The following FBXL17 variants were observed in gnomAD, a reference collection of about 807,000 sequenced individuals.
FBXL17 encodes the protein F-box and leucine rich repeat protein 17.
FBXL17 carries 22 observed loss-of-function variants against 66.2 expected under a neutral mutation model. The observed-to-expected ratio is 0.33, with a 90% CI of 0.24 to 0.47. FBXL17 has a LOEUF of 0.47. FBXL17 is among the 20% of genes least tolerant of loss of function. The probability of loss-of-function intolerance (pLI) is 1.00; values close to 1 mark genes in which losing one functional copy is unlikely to be tolerated. For synonymous variants in FBXL17, 474 were observed against 400.5 expected (o/e 1.18, Z -2.19); for missense variants, 878 against 948.2 (o/e 0.93, Z 0.97).
At chr5:108,364,677 G>C in intron 3 of FBXL17, 61 bp downstream of exon 3, 4 of 1,324,276 alleles carry the variant, frequency 3.0e-6, no homozygotes, top group Non-Finnish European at 4.2e-6. Flanking sequence ...TTAAAATGTT[G>C]TTGCTAGAAA....
At chr5:108,122,662 A>T (rs887031917) in intron 6 of FBXL17, among the ~76,000 whole-genome samples, 21 of 152,234 alleles carry the variant, frequency 1.4e-4, no homozygotes, top group African/African-American at 4.6e-4. Context: ...TTCACACAAA[A>T]GCAAGACATT....
intron 7 of FBXL17, among the ~76,000 whole-genome samples, chr5:107,888,012 A>G (rs796111620): frequency 1.5e-4 from 23 of 152,318 alleles, no homozygotes; most frequent in African/African-American, 5.3e-4. Context: ...ATAATCCAAT[A>G]CTTTTAAATC....
intron 6 of FBXL17, among the ~76,000 whole-genome samples, chr5:108,027,413 A>C (rs1660171551): frequency 6.6e-6 from 1 of 152,178 alleles, no homozygotes; most frequent in Non-Finnish European, 1.5e-5. Flanking sequence ...TCCATCCATT[A>C]CCATAACTAA....
intron 8 of FBXL17, among the ~76,000 whole-genome samples, chr5:107,873,001 A>G (rs1044195204): frequency 6.6e-5 from 10 of 152,330 alleles, no homozygotes; most frequent in Admixed American, 2.0e-4. Flanking sequence ...TGGCCACAAC[A>G]TTTGGTGACA....
intron 4 of FBXL17, among the ~76,000 whole-genome samples, chr5:108,338,579 C>T (rs1212903165): frequency 6.6e-6 from 1 of 151,980 alleles, no homozygotes; most frequent in Non-Finnish European, 1.5e-5. Flanking sequence ...TGAAATATGG[C>T]AGCCACTAAA....
chr5:107,916,338 A>G (rs991637662), intron 7 of FBXL17, among the ~76,000 whole-genome samples: 2 of 152,200 alleles, frequency 1.3e-5, no homozygotes, highest in South Asian at 4.1e-4. Context: ...GACTAAAATC[A>G]CTGTAAGAAC....
chr5:108,322,722 A>G (rs932232871), intron 4 of FBXL17, among the ~76,000 whole-genome samples: 1 of 151,932 alleles, frequency 6.6e-6, no homozygotes, highest in African/African-American at 2.4e-5. Context: ...CATCTATTAA[A>G]TTTCCATCAA....
At chr5:108,117,751 C>G (rs1385129410) in intron 6 of FBXL17, among the ~76,000 whole-genome samples, 1 of 152,146 alleles carries the variant, frequency 6.6e-6, no homozygotes, top group Non-Finnish European at 1.5e-5. Context: ...TACACCCCCT[C>G]TCGGAAATCC....
chr5:108,047,548 G>A lies in FBXL17; in HGVS notation c.1746-26547C>T, dbSNP rs139032753. 1.8e-3 allele frequency among the ~76,000 whole-genome samples: 274 copies of A among 152,312 alleles called. 2 individuals are homozygous for A. Among genetic ancestry groups the A allele is most frequent in the African/African-American group, 5.9e-3 (245 of 41,580 alleles). Reference sequence around the variant, plus strand: ...AACTGCTTAACACGCTAAGCTCCCTGGGTGGGGGAAGGATGGCATCCATCT... The same window carrying A: ...AACTGCTTAACACGCTAAGCTCCCTAGGTGGGGGAAGGATGGCATCCATCT... On this transcript the variant is annotated intron_variant, in intron 6 of 8. Coordinates refer to ENST00000542267, the MANE Select transcript of FBXL17 (RefSeq NM_001163315.3).
chr5:108,044,488 A>G (rs1337409196), intron 6 of FBXL17, among the ~76,000 whole-genome samples: 1 of 152,092 alleles, frequency 6.6e-6, no homozygotes, highest in Admixed American at 6.6e-5. Flanking sequence ...GAATCCCGGG[A>G]ATAAATTCCA....
At chr5:108,055,630 A>AAAAAG (rs1554060745) in intron 6 of FBXL17, among the ~76,000 whole-genome samples, 6 of 149,110 alleles carry the variant, frequency 4.0e-5, no homozygotes, top group African/African-American at 1.5e-4. Context: ...AAAAAAAAAA[A>AAAAAG]AGAGAGAAAA....
chr5:108,152,750 A>G (rs1751820309), intron 6 of FBXL17, among the ~76,000 whole-genome samples: 2 of 152,152 alleles, frequency 1.3e-5, no homozygotes, highest in Admixed American at 1.3e-4. Context: ...TTAGAAAAGG[A>G]CCCCTGGAAG....
intron 7 of FBXL17, among the ~76,000 whole-genome samples, chr5:107,922,578 G>C (rs1003887479): frequency 6.6e-6 from 1 of 152,162 alleles, no homozygotes; most frequent in Non-Finnish European, 1.5e-5. Context: ...TCTTAAGATT[G>C]ACGCTGTCTT....
At chr5:108,286,479 C>A (rs371533742) in intron 4 of FBXL17, among the ~76,000 whole-genome samples, 11 of 152,090 alleles carry the variant, frequency 7.2e-5, no homozygotes, top group South Asian at 4.1e-4. Context: ...AAATCAGTAT[C>A]ATTCCTATAT....
At chr5:108,126,530 T>C (rs1750702273) in intron 6 of FBXL17, among the ~76,000 whole-genome samples, 1 of 151,836 alleles carries the variant, frequency 6.6e-6, no homozygotes, top group African/African-American at 2.4e-5. Flanking sequence ...ATTGACAGTT[T>C]ATATTTTTAC....
At chr5:108,117,047 G>T (rs897736099) in intron 6 of FBXL17, among the ~76,000 whole-genome samples, 2 of 152,086 alleles carry the variant, frequency 1.3e-5, no homozygotes, top group African/African-American at 4.8e-5. Flanking sequence ...TCGACTTAAG[G>T]CTTGTAGTTT....
At chr5:108,216,887 G>A (rs1235930419) in intron 5 of FBXL17, among the ~76,000 whole-genome samples, 1 of 152,136 alleles carries the variant, frequency 6.6e-6, no homozygotes. Flanking sequence ...CAAACCTCCA[G>A]CTAACTCAGA....
chr5:108,199,188 T>C (rs1753794196), intron 5 of FBXL17, among the ~76,000 whole-genome samples: 1 of 152,132 alleles, frequency 6.6e-6, no homozygotes, highest in Non-Finnish European at 1.5e-5. Flanking sequence ...ACTTATAACT[T>C]CTCACACCAA....
At chr5:108,063,772 T>A (rs1748011142) in intron 6 of FBXL17, among the ~76,000 whole-genome samples, 1 of 152,192 alleles carries the variant, frequency 6.6e-6, no homozygotes, top group African/African-American at 2.4e-5. Context: ...ATTTTTAAAA[T>A]GATATCAATA....
Sources: allele counts gnomAD v4.1 joint callset (sites outside exome capture counted in the v4.1 genomes callset), GRCh38; gene constraint gnomAD v4.1.1; transcripts MANE v1.5; gene names NCBI Gene and HGNC (gene_info 2026-07-23, HGNC 2026-07-21).